The following MGAM variants were observed in gnomAD, a reference collection of about 807,000 sequenced individuals.
The protein encoded by MGAM is alpha-1,4-glucosidase.
Under a neutral mutation model 358.8 loss-of-function variants are expected in MGAM, and 253 were observed. The ratio of observed to expected loss-of-function variants is 0.71; its 90% confidence interval spans 0.64 to 0.78. The LOEUF (loss-of-function observed/expected upper bound fraction) is 0.78. MGAM is among the 30% of genes least tolerant of loss of function. MGAM has a pLI of 0.00. For missense variants in MGAM, 3,080 were observed against 3,432.6 expected, an observed-to-expected ratio of 0.90 and a Z score of 2.57; for synonymous variants, 1,105 against 1,227.1, an observed-to-expected ratio of 0.90 and a Z score of 2.08.
intron 3 of MGAM, among the ~76,000 whole-genome samples, chr7:142,011,228 C>A (rs961177294): frequency 6.6e-6 from 1 of 152,142 alleles, no homozygotes; most frequent in Non-Finnish European, 1.5e-5. Context: ...TCTTTTACAG[C>A]GAACACACTT....
intron 70 of MGAM, among the ~76,000 whole-genome samples, chr7:142,104,822 A>C (rs1166500088): frequency 1.3e-5 from 2 of 152,120 alleles, no homozygotes; most frequent in Non-Finnish European, 2.9e-5. Flanking sequence ...AGTGGTCCTG[A>C]CACTTATCAT....
intron 21 of MGAM, among the ~76,000 whole-genome samples, chr7:142,043,215 TATA>T (rs1365692194): frequency 8.0e-5 from 1 of 12,474 alleles, no homozygotes. Context: ...TATATATACA[TATA>T]ATATCTAAAT....
In MGAM at chr7:142,045,333, ATATAT is replaced by A. The variant is rs1454255767; in HGVS notation, c.2499-2446_2499-2442del. On this transcript the variant is annotated intron_variant, in intron 21 of 70. Transcript: ENST00000475668. The stretch of plus-strand genomic sequence containing the variant: ...GTACCTATAATATATGATATATAAT[ATATAT>A]TATATGTCCCTATAATACATGATAT... 6.3e-5 allele frequency among the ~76,000 whole-genome samples: 7 copies of A among 111,636 alleles called. No homozygotes were observed. In the South Asian group the frequency reaches 9.8e-4, roughly 16 times the overall value. The allele number at this position is 111,636 out of a possible 152,430, so 73.2% of individuals were successfully genotyped here.
rs189888974 is a variant in MGAM at position 142,044,315 on chromosome 7, A to G, written c.2498+3469A>G. The stretch of plus-strand genomic sequence containing the variant: ...ATAATATATACTATATATAATATAC[A>G]CATACGATATATAATATATAATATA... On this transcript the variant is annotated intron_variant, in intron 21 of 70. Transcript: ENST00000475668. Among the ~76,000 whole-genome samples, 301 of 140,192 alleles carry G rather than the reference A, an allele frequency of 2.1e-3. 19 individuals carry two copies. Among genetic ancestry groups the G allele is most frequent in the African/African-American group, 7.2e-3 (282 of 39,332 alleles). 92.0% of individuals were successfully genotyped at this position (140,192 alleles called of 152,430 possible). A position where few individuals can be genotyped will look rare whatever the true frequency, so the allele number is the denominator to read the frequency against.
rs1359316722 is a variant in MGAM at position 142,086,067 on chromosome 7, G to A, written c.6636+106G>A. The A allele has an allele frequency of 2.0e-6, 3 of 1,485,028 alleles. 1 individual carries two copies. The highest frequency in any genetic ancestry group is 2.8e-6 in the Non-Finnish European group (3 of 1,084,728). 92.0% of individuals were successfully genotyped at this position (1,485,028 alleles called of 1,614,324 possible). A position where few individuals can be genotyped will look rare whatever the true frequency, so the allele number is the denominator to read the frequency against. On this transcript the variant is annotated intron_variant, in intron 55 of 70. Coordinates refer to ENST00000475668, the MANE Select transcript of MGAM (RefSeq NM_001365693.1). The stretch of plus-strand genomic sequence containing the variant: ...ATGTTGCAAGTAGATAAATTGAAGT[G>A]TAGTAAGAAATGTGTATTTCCCTGG...
intron 22 of MGAM, among the ~76,000 whole-genome samples, chr7:142,048,324 A>C (rs1810594548): frequency 6.6e-6 from 1 of 151,284 alleles, no homozygotes; most frequent in Admixed American, 6.6e-5. Context: ...AATTTTTTGT[A>C]TGTTTAGTAG....
Position 142,009,543 on chromosome 7 carries a change from T to C in MGAM, c.327+838T>C, listed in dbSNP as rs371467518. ...CTACTGCAACACTCCATCTTGTCACTGGGTATTGGTGCACTTCAGATACAG... is the reference window on the plus strand; with the variant it reads ...CTACTGCAACACTCCATCTTGTCACCGGGTATTGGTGCACTTCAGATACAG... On this transcript the variant is annotated intron_variant, in intron 3 of 70. Coordinates refer to ENST00000475668, the MANE Select transcript of MGAM (RefSeq NM_001365693.1). Among the ~76,000 whole-genome samples the C allele has an allele frequency of 1.3e-4, 20 of 152,318 alleles. No homozygotes were observed. The East Asian group carries it at 1.4e-3, about 10-fold the overall frequency.
chr7:142,075,947 G>C (rs1813698420), intron 45 of MGAM, among the ~76,000 whole-genome samples: 1 of 146,006 alleles, frequency 6.8e-6, no homozygotes, highest in Admixed American at 6.9e-5. Context: ...TATATCCAGA[G>C]GACATGAAAC....
chr7:142,047,748 A>T (rs1222147522), intron 21 of MGAM, 37 bp from the exon 22 acceptor site: 3 of 1,572,838 alleles, frequency 1.9e-6, no homozygotes, highest in Non-Finnish European at 1.7e-6. Context: ...AAATTCTCTG[A>T]CTCCTGTCTT....
intron 8 of MGAM, among the ~76,000 whole-genome samples, chr7:142,025,932 A>G (rs1019879413): frequency 8.5e-5 from 13 of 152,174 alleles, no homozygotes; most frequent in African/African-American, 3.1e-4. Context: ...AAAATACCAA[A>G]TAACCTAAGA....
rs1230935566 is a variant in MGAM, at chr7:142,021,088, T to C, written c.558+5T>C. 1.3e-6 allele frequency: 2 copies of C among 1,577,288 alleles called. No homozygotes were observed. The highest frequency in any genetic ancestry group is 1.7e-6 in the Non-Finnish European group (2 of 1,162,236). ...TCTAATCGTTTCCACTTTAAGGTTG[T>C]AATTTGTTTATTTTTTTTTAAGTTT... On this transcript the variant is annotated splice_donor_5th_base_variant and intron_variant, in intron 5 of 70. Coordinates refer to ENST00000475668, the MANE Select transcript of MGAM (RefSeq NM_001365693.1).
intron 13 of MGAM, among the ~76,000 whole-genome samples, 163 bp from the exon 14 acceptor site, chr7:142,032,662 C>T (rs185118510): frequency 2.0e-5 from 3 of 152,192 alleles, no homozygotes; most frequent in African/African-American, 4.8e-5. Flanking sequence ...ATGAAGCCTT[C>T]AGTGGGTAGA....
Position 142,078,589 on chromosome 7 carries a change from G to T in MGAM, c.5646+119G>T. Reference sequence around the variant, plus strand: ...AATCCATAGAAAGGACTTCCTAAGGGACATGATCTGGATGTGACAAGTAGG... The same window carrying T: ...AATCCATAGAAAGGACTTCCTAAGGTACATGATCTGGATGTGACAAGTAGG... On this transcript the variant is annotated intron_variant, in intron 48 of 70. Coordinates refer to ENST00000475668, the MANE Select transcript of MGAM (RefSeq NM_001365693.1). The T allele has an allele frequency of 2.6e-6, 3 of 1,161,178 alleles. 1 individual carries two copies. Among genetic ancestry groups the T allele is most frequent in the Middle Eastern group, 2.9e-4 (1 of 3,478 alleles). The allele number at this position is 1,161,178 out of a possible 1,614,324, so 71.9% of individuals were successfully genotyped here. A position where few individuals can be genotyped will look rare whatever the true frequency, so the allele number is the denominator to read the frequency against.
chr7:142,104,492 T>C (rs577167320), intron 70 of MGAM, among the ~76,000 whole-genome samples: 1 of 152,346 alleles, frequency 6.6e-6, no homozygotes, highest in South Asian at 2.1e-4. Context: ...TGTTGGTGAT[T>C]CAGCATTTTA....
chr7:142,103,297 A>G lies in MGAM; in HGVS notation c.8042A>G (p.Asn2681Ser). 1 of 1,610,114 alleles carries G rather than the reference A, an allele frequency of 6.2e-7. No individual in the cohort carries two copies. Reference sequence around the variant, plus strand: ...ACGATGCAAAGCCATATAATTTTCAACAATTACATCACTGGTACAAATCCT... The same window carrying G: ...ACGATGCAAAGCCATATAATTTTCAGCAATTACATCACTGGTACAAATCCT... Reference protein sequence around the residue: ...QNTMQSHIIFNNYITGTNPLK... With the variant: ...QNTMQSHIIFSNYITGTNPLK... The change falls in exon 70 of 71, where the codon AAC becomes AGC. Residue 2681 changes from asparagine (N) to serine (S), a missense_variant. Around this residue, in one of 5 missense-constraint regions of MGAM, gnomAD observed 194 missense variants for 172.8 expected, o/e 1.12. Coordinates refer to ENST00000475668, the MANE Select transcript of MGAM (RefSeq NM_001365693.1).
upstream of MGAM, among the ~76,000 whole-genome samples, chr7:141,993,949 C>T (rs1804051763): frequency 6.6e-6 from 1 of 152,182 alleles, no homozygotes; most frequent in Non-Finnish European, 1.5e-5. Flanking sequence ...TATCTCAGCT[C>T]ACTACAACCT....
At chr7:142,041,279 T>G (rs574855964) in intron 21 of MGAM, among the ~76,000 whole-genome samples, 1 of 152,276 alleles carries the variant, frequency 6.6e-6, no homozygotes, top group South Asian at 2.1e-4. Context: ...ACTAAAGAGG[T>G]GCACATTTAT....
chr7:142,046,283 G>C (rs1446212308), intron 21 of MGAM, among the ~76,000 whole-genome samples: 4 of 151,232 alleles, frequency 2.6e-5, no homozygotes, highest in African/African-American at 9.7e-5. Context: ...AAATGTTTAG[G>C]GGAGTCTAAG....
At chr7:142,057,850 T>C (rs1359989549) in intron 30 of MGAM, among the ~76,000 whole-genome samples, 1 of 152,120 alleles carries the variant, frequency 6.6e-6, no homozygotes, top group African/African-American at 2.4e-5. Context: ...ATGAAGAAAC[T>C]GAAGCACTAA....
Sources: gnomAD v4.1 joint callset for allele counts (sites outside exome capture counted in the v4.1 genomes callset) on GRCh38, gnomAD v4.1.1 for gene constraint, gnomAD v4.1.1 regional missense constraint, MANE v1.5 for transcripts, NCBI Gene and HGNC (gene_info 2026-07-23, HGNC 2026-07-21) for gene names.